The following SLC25A21 variants were observed in gnomAD, a reference collection of about 807,000 sequenced individuals.
The protein encoded by SLC25A21 is mitochondrial 2-oxodicarboxylate carrier.
A neutral mutation model predicts 43.8 loss-of-function variants in SLC25A21; 47 were observed. The ratio of observed to expected loss-of-function variants is 1.07; its 90% CI spans 0.85 to 1.37. SLC25A21 has a LOEUF of 1.37. Ranked by LOEUF, SLC25A21 falls within the 40% of genes most tolerant of loss-of-function variation. The pLI, the probability that SLC25A21 is intolerant of heterozygous loss-of-function variation, is 0.00. For missense variants in SLC25A21, 352 were observed against 350.2 expected (o/e 1.00, Z -0.04); for synonymous variants, 131 against 121.3 (o/e 1.08, Z -0.52).
At chr14:37,109,055 A>AT (rs1374057387) in intron 1 of SLC25A21, among the ~76,000 whole-genome samples, 2 of 152,022 alleles carry the variant, frequency 1.3e-5, no homozygotes, top group Non-Finnish European at 2.9e-5. Flanking sequence ...TGTTGTGTTT[A>AT]TTTTTTCTTT....
intron 1 of SLC25A21, among the ~76,000 whole-genome samples, chr14:37,032,057 AT>A (rs201199094): frequency 0.013 from 1,914 of 152,238 alleles, 20 homozygotes; most frequent in Non-Finnish European, 0.015. Context: ...CCCATTCAAC[AT>A]TCCTATTTCT....
At position 36,984,932 on chromosome 14, in the gene SLC25A21, T is replaced by A. The variant is rs1252814706; in HGVS notation, c.71-109928A>T. Among the ~76,000 whole-genome samples the A allele has an allele frequency of 1.3e-5, 2 of 150,910 alleles. 1 individual carries two copies. Among genetic ancestry groups the A allele is most frequent in the Non-Finnish European group, 2.9e-5 (2 of 67,898 alleles). ...CAAAGACTTGGAACCAACCCAAATGTCCAACAATGATAGACTGGATTAAGA... is the reference window on the plus strand; with the variant it reads ...CAAAGACTTGGAACCAACCCAAATGACCAACAATGATAGACTGGATTAAGA... On this transcript the variant is annotated intron_variant, in intron 1 of 9. Transcript: ENST00000331299.
chr14:36,784,827 C>A, intron 3 of SLC25A21, among the ~76,000 whole-genome samples: 1 of 152,148 alleles, frequency 6.6e-6, no homozygotes, highest in Admixed American at 6.5e-5. Context: ...TACCAGGATT[C>A]CCATTTTACA....
At chr14:36,831,711 G>A (rs899468077) in intron 2 of SLC25A21, among the ~76,000 whole-genome samples, 1 of 142,108 alleles carries the variant, frequency 7.0e-6, no homozygotes, top group African/African-American at 2.6e-5. Context: ...TGACAGCTTG[G>A]AACTGAAAAG....
chr14:36,940,377 AT>A lies in SLC25A21; in HGVS notation c.71-65374del, dbSNP rs199712525. 5.6e-3 allele frequency among the ~76,000 whole-genome samples: 845 copies of A among 151,894 alleles called. 8 individuals carry two copies. Among genetic ancestry groups the A allele is most frequent in the African/African-American group, 0.019 (773 of 41,440 alleles). The stretch of plus-strand genomic sequence containing the variant: ...TATACTACTCTGAATGTAGGTTGGT[AT>A]TTTTTTTAAAGGTTGCATTATAAAT... On this transcript the variant is annotated intron_variant, in intron 1 of 9. Transcript: ENST00000331299.
intron 1 of SLC25A21, among the ~76,000 whole-genome samples, chr14:37,150,538 T>G (rs1963740934): frequency 6.6e-6 from 1 of 152,188 alleles, no homozygotes; most frequent in Non-Finnish European, 1.5e-5. Context: ...TTCTCTATGA[T>G]CTATGCAAGG....
chr14:36,855,660 A>G (rs928985074), intron 2 of SLC25A21, among the ~76,000 whole-genome samples: 1 of 152,148 alleles, frequency 6.6e-6, no homozygotes, highest in African/African-American at 2.4e-5. Context: ...GGTTTTAACT[A>G]GCCCTCCTGG....
intron 1 of SLC25A21, among the ~76,000 whole-genome samples, chr14:37,163,632 A>T (rs2138952792): frequency 6.6e-6 from 1 of 152,280 alleles, no homozygotes; most frequent in East Asian, 1.9e-4. Context: ...TGCACCTTTA[A>T]CCTGGTTCCT....
chr14:37,055,628 G>C (rs139928741), intron 1 of SLC25A21, among the ~76,000 whole-genome samples: 1 of 152,146 alleles, frequency 6.6e-6, no homozygotes, highest in Non-Finnish European at 1.5e-5. Flanking sequence ...ATGTTGGAGA[G>C]GGAAGGTGTA....
intron 1 of SLC25A21, among the ~76,000 whole-genome samples, chr14:36,949,172 G>A (rs1892744433): frequency 6.6e-6 from 1 of 152,152 alleles, no homozygotes; most frequent in Non-Finnish European, 1.5e-5. Context: ...ATAATGACTT[G>A]TCTCAGTCAC....
intron 1 of SLC25A21, among the ~76,000 whole-genome samples, chr14:36,996,519 T>G (rs1213650560): frequency 6.6e-6 from 1 of 152,206 alleles, no homozygotes; most frequent in Non-Finnish European, 1.5e-5. Context: ...AATGTGTTCT[T>G]GTGAGCAGAA....
intron 1 of SLC25A21, among the ~76,000 whole-genome samples, chr14:36,927,619 T>C (rs79469047): frequency 0.039 from 5,998 of 152,248 alleles, 165 homozygotes; most frequent in African/African-American, 0.071. Context: ...TTCAGTATAA[T>C]GCTATCTCTA....
chr14:36,817,843 C>G (rs1258154613), intron 2 of SLC25A21, among the ~76,000 whole-genome samples: 1 of 152,162 alleles, frequency 6.6e-6, no homozygotes, highest in African/African-American at 2.4e-5. Flanking sequence ...GGTTTTCTGA[C>G]AGCTTGTGCA....
chr14:37,090,508 G>A (rs977614328), intron 1 of SLC25A21, among the ~76,000 whole-genome samples: 1 of 152,146 alleles, frequency 6.6e-6, no homozygotes, highest in East Asian at 1.9e-4. Flanking sequence ...GGATGTCAAC[G>A]TGTTATTTTT....
chr14:36,768,613 A>G (rs894195932), intron 3 of SLC25A21, among the ~76,000 whole-genome samples: 7 of 152,296 alleles, frequency 4.6e-5, no homozygotes, highest in Middle Eastern at 6.8e-3. Flanking sequence ...AGTTGCTTTC[A>G]GACAGACCTG....
intron 2 of SLC25A21, among the ~76,000 whole-genome samples, chr14:36,873,441 G>C (rs1433868287): frequency 6.6e-6 from 1 of 152,000 alleles, no homozygotes; most frequent in African/African-American, 2.4e-5. Flanking sequence ...GATTACAGGG[G>C]TGTGCCACCA....
chr14:36,837,883 C>T (rs1206753933), intron 2 of SLC25A21, among the ~76,000 whole-genome samples: 3 of 152,174 alleles, frequency 2.0e-5, no homozygotes, highest in Non-Finnish European at 2.9e-5. Flanking sequence ...GATCCAGTGT[C>T]CATTACTGAC....
At chr14:37,072,621 C>A (rs1962196121) in intron 1 of SLC25A21, among the ~76,000 whole-genome samples, 1 of 152,268 alleles carries the variant, frequency 6.6e-6, no homozygotes, top group East Asian at 1.9e-4. Context: ...GTGGTGCACA[C>A]CTCTAGGCCC....
In SLC25A21 at chr14:36,989,709, C is replaced by T. The variant is rs10483482; in HGVS notation, c.71-114705G>A. 0.02 allele frequency among the ~76,000 whole-genome samples: 3,086 copies of T among 152,056 alleles called. 196 individuals carry two copies. In the East Asian group the frequency reaches 0.25, roughly 12 times the overall value. ...CACTGAGTCCTAAAATATCGCTTAA[C>T]GGCCCTGGGTTCGCAGCTGACAAGT... On this transcript the variant is annotated intron_variant, in intron 1 of 9. Coordinates refer to ENST00000331299, the MANE Select transcript of SLC25A21 (RefSeq NM_030631.4).
Sources: gnomAD v4.1 joint callset for allele counts (sites outside exome capture counted in the v4.1 genomes callset) on GRCh38, gnomAD v4.1.1 for gene constraint, MANE v1.5 for transcripts, NCBI Gene and HGNC (gene_info 2026-07-23, HGNC 2026-07-21) for gene names.